Variants in PKIA observed in about 807,000 individuals in gnomAD.
PKIA encodes cAMP-dependent protein kinase inhibitor alpha.
PKIA carries 4 observed loss-of-function variants against 7.6 expected under a neutral mutation model. That is an observed-to-expected ratio of 0.52 (90% CI 0.26 to 1.20). The LOEUF (loss-of-function observed/expected upper bound fraction) is 1.20. PKIA is among the 50% of genes most tolerant of loss of function. PKIA has a pLI of 0.13. For missense variants in PKIA, 73 were observed against 86.2 expected (o/e 0.85, Z 0.61); for synonymous variants, 21 against 30.7 (o/e 0.68, Z 1.04).
chr8:78,580,640 A>G (rs1270920358), intron 2 of PKIA, among the ~76,000 whole-genome samples: 3 of 152,070 alleles, frequency 2.0e-5, no homozygotes, highest in Non-Finnish European at 4.4e-5. Flanking sequence ...CTCAATACAG[A>G]TAGTTATAGT....
rs1808436283 is a variant in PKIA at position 78,604,807 on chromosome 8, C to T, written c.*2986C>T. On this transcript the variant is annotated 3_prime_UTR_variant, in exon 4 of 4. Coordinates refer to ENST00000396418, the MANE Select transcript of PKIA (RefSeq NM_006823.4). ...TTACCTTTTATCAATTGTAATCATC[C>T]TATGCCAACATATTATCATAAATTC... is the stretch of plus-strand genomic sequence containing the variant. The T allele has an allele frequency of 6.6e-6, 1 of 151,896 alleles. No homozygotes were observed. Among genetic ancestry groups the T allele is most frequent in the Non-Finnish European group, 1.5e-5 (1 of 67,940 alleles). The allele number at this position is 151,896 out of a possible 1,614,324, so 9.4% of individuals were successfully genotyped here.
At chr8:78,589,839 T>G (rs1231536465) in intron 2 of PKIA, among the ~76,000 whole-genome samples, 1 of 152,236 alleles carries the variant, frequency 6.6e-6, no homozygotes, top group Non-Finnish European at 1.5e-5. Flanking sequence ...CATGAAGCAC[T>G]TCTGTTGTGT....
At position 78,546,922 on chromosome 8, in the gene PKIA, A is replaced by G. The variant is rs111688622; in HGVS notation, c.-156-25889A>G. 8.9e-4 allele frequency among the ~76,000 whole-genome samples: 136 copies of G among 152,270 alleles called. 2 individuals are homozygous for G. The highest frequency in any genetic ancestry group is 3.0e-3 in the African/African-American group (126 of 41,552). ...TAAAAATCCAAGCATTATAATGTGAATGAGATCTGTCCACTCATTCATTCA... is the reference window on the plus strand; with the variant it reads ...TAAAAATCCAAGCATTATAATGTGAGTGAGATCTGTCCACTCATTCATTCA... On this transcript the variant is annotated intron_variant, in intron 1 of 3. Transcript: ENST00000396418.
In PKIA at chr8:78,524,268, TTATAAGG is replaced by T. The variant is rs554498435; in HGVS notation, c.-157+7806_-157+7812del. On this transcript the variant is annotated intron_variant, in intron 1 of 3. Coordinates refer to ENST00000396418, the MANE Select transcript of PKIA (RefSeq NM_006823.4). ...TGTTTTTATATATATGGGTTTCTAC[TTATAAGG>T]TATAATCACTGGAGAATAATGGATT... is the stretch of plus-strand genomic sequence containing the variant. 2.1e-3 allele frequency among the ~76,000 whole-genome samples: 302 copies of T among 146,804 alleles called. 2 individuals are homozygous for T. The highest frequency in any genetic ancestry group is 7.1e-3 in the African/African-American group (285 of 40,058).
intron 1 of PKIA, among the ~76,000 whole-genome samples, chr8:78,572,197 T>C (rs954033253): frequency 1.3e-5 from 2 of 151,990 alleles, no homozygotes; most frequent in Non-Finnish European, 2.9e-5. Flanking sequence ...AATCTCTAAG[T>C]AGTAGTCAAC....
intron 3 of PKIA, among the ~76,000 whole-genome samples, chr8:78,601,530 G>T (rs144116770): frequency 3.1e-4 from 47 of 152,012 alleles, no homozygotes; most frequent in African/African-American, 1.1e-3. Flanking sequence ...TTTTTGAGCC[G>T]TGCTGTCCCA....
At chr8:78,517,455 T>C (rs1230950400) in intron 1 of PKIA, among the ~76,000 whole-genome samples, 1 of 152,222 alleles carries the variant, frequency 6.6e-6, no homozygotes, top group East Asian at 1.9e-4. Flanking sequence ...GAAGCAATTT[T>C]AGTCCAGTTG....
At position 78,598,535 on chromosome 8, in the gene PKIA, G is replaced by A. The variant is rs1489322236; in HGVS notation, c.151G>A (p.Glu51Lys). 2 of 1,604,560 alleles carry A rather than the reference G, an allele frequency of 1.2e-6. No homozygotes were observed. The highest frequency in any genetic ancestry group is 1.3e-5 in the African/African-American group (1 of 74,578). Residue 51 changes from glutamate to lysine, a missense_variant and splice_region_variant, in exon 3 of 4, where the codon GAA (glutamate) becomes AAA (lysine). Glu to Lys is a moderately conservative substitution (Grantham distance 56, BLOSUM62 1). Coordinates refer to ENST00000396418, the MANE Select transcript of PKIA (RefSeq NM_006823.4). Reference sequence around the variant, plus strand: ...AGCAGGTCTTGATATCAACAAGACAGGTAAGTCATCTGGCACACATTTCTC... The same window carrying A: ...AGCAGGTCTTGATATCAACAAGACAAGTAAGTCATCTGGCACACATTTCTC... Reference protein sequence around the residue: ...KLAGLDINKTEGEEDAQRSST... With the variant: ...KLAGLDINKTKGEEDAQRSST...
chr8:78,534,811 T>G (rs1806478661), intron 1 of PKIA: 1 of 152,192 alleles, frequency 6.6e-6, no homozygotes, highest in Non-Finnish European at 1.5e-5. Context: ...AAGCATAGAC[T>G]ATTCTTTGGG....
At chr8:78,593,025 C>T (rs34622911) in intron 2 of PKIA, among the ~76,000 whole-genome samples, 17,544 of 152,180 alleles carry the variant, frequency 0.12, 1,100 homozygotes, top group Middle Eastern at 0.18. Context: ...TACTTAAAAT[C>T]TCTGAGACTT....
At chr8:78,546,987 A>G (rs2118444472) in intron 1 of PKIA, among the ~76,000 whole-genome samples, 1 of 152,356 alleles carries the variant, frequency 6.6e-6, no homozygotes, top group South Asian at 2.1e-4. Context: ...GACTATTCTA[A>G]TAAGTTAAAA....
intron 2 of PKIA, among the ~76,000 whole-genome samples, 172 bp from the exon 3 acceptor site, chr8:78,598,186 C>T (rs1037093099): frequency 1.3e-5 from 2 of 150,234 alleles, no homozygotes; most frequent in Non-Finnish European, 3.0e-5. Context: ...TAAATATGTA[C>T]ATTAAAGGTT....
chr8:78,569,357 G>A (rs1233645134), intron 1 of PKIA, among the ~76,000 whole-genome samples: 1 of 152,102 alleles, frequency 6.6e-6, no homozygotes, highest in African/African-American at 2.4e-5. Flanking sequence ...TTCTCCTTGG[G>A]AAGGTGTCAG....
At chr8:78,598,119 T>C (rs1285457009) in intron 2 of PKIA, among the ~76,000 whole-genome samples, 2 of 148,178 alleles carry the variant, frequency 1.3e-5, no homozygotes, top group African/African-American at 4.9e-5. Context: ...AATATTAATA[T>C]ATTAATATTA....
chr8:78,549,939 C>A (rs1806941179), intron 1 of PKIA, among the ~76,000 whole-genome samples: 1 of 152,020 alleles, frequency 6.6e-6, no homozygotes, highest in Admixed American at 6.6e-5. Context: ...TTCCTCTAGA[C>A]CGTAATACAA....
intron 1 of PKIA, among the ~76,000 whole-genome samples, chr8:78,536,722 G>A (rs78657910): frequency 9.1e-4 from 138 of 152,002 alleles, no homozygotes; most frequent in African/African-American, 3.0e-3. Context: ...CTTTGACCCC[G>A]AATAGTCCAT....
chr8:78,563,406 T>C (rs757813973), intron 1 of PKIA, among the ~76,000 whole-genome samples: 8 of 152,286 alleles, frequency 5.3e-5, no homozygotes, highest in Admixed American at 5.2e-4. Flanking sequence ...GAATAATCCT[T>C]CATACAGTTG....
At chr8:78,563,349 T>G (rs1355518106) in intron 1 of PKIA, among the ~76,000 whole-genome samples, 1 of 152,118 alleles carries the variant, frequency 6.6e-6, no homozygotes, top group Non-Finnish European at 1.5e-5. Context: ...AATATAGAAG[T>G]CTTGACTACT....
intron 2 of PKIA, among the ~76,000 whole-genome samples, chr8:78,579,260 A>G (rs1397772985): frequency 6.6e-6 from 1 of 152,004 alleles, no homozygotes; most frequent in East Asian, 1.9e-4. Flanking sequence ...CTAGTTTATA[A>G]CAAGTACAAT....
Sources: gnomAD v4.1 joint callset for allele counts (sites outside exome capture counted in the v4.1 genomes callset) on GRCh38, gnomAD v4.1.1 for gene constraint, MANE v1.5 for transcripts, NCBI Gene and HGNC (gene_info 2026-07-23, HGNC 2026-07-21) for gene names.